FGD5: variants seen among roughly 807,000 people sequenced by gnomAD.
FGD5 encodes the protein FYVE, RhoGEF and PH domain-containing protein 5.
FGD5 carries 28 observed loss-of-function variants against 133.4 expected under a neutral mutation model. The ratio of observed to expected loss-of-function variants is 0.21; its 90% CI spans 0.16 to 0.29. The LOEUF (loss-of-function observed/expected upper bound fraction) is 0.29. FGD5 is among the 10% of genes least tolerant of loss of function. FGD5 has a pLI of 1.00. For synonymous variants in FGD5, 810 were observed against 776.5 expected (o/e 1.04, Z -0.72); for missense variants, 1,858 against 1,895.2 (o/e 0.98, Z 0.36).
chr3:14,819,859 A>G lies in FGD5; in HGVS notation c.788A>G (p.Gln263Arg). The G allele has an allele frequency of 6.2e-7, 1 of 1,613,020 alleles. No individual in the cohort carries two copies. Among genetic ancestry groups the G allele is most frequent in the East Asian group, 2.2e-5 (1 of 44,852 alleles). Residue 263 changes from glutamine to arginine, a missense_variant, in exon 1 of 20, where the codon CAG (glutamine) becomes CGG (arginine). By Grantham distance (43) the Gln-to-Arg change is conservative (BLOSUM62 1). Around this residue, in one of 3 missense-constraint regions of FGD5, gnomAD observed 1,824 missense variants for 1,848.9 expected, o/e 0.99. Coordinates refer to ENST00000285046, the MANE Select transcript of FGD5 (RefSeq NM_152536.4). This position sits in a 1 kb window ranked among gnomAD's most constrained non-coding sequence, Gnocchi z 4.1. Reference sequence around the variant, plus strand: ...GAGAAGGAGGAGCTGGCCGGGGTCCAGGAGGCAGAGACAGCCACAGACTGC... The same window carrying G: ...GAGAAGGAGGAGCTGGCCGGGGTCCGGGAGGCAGAGACAGCCACAGACTGC... Reference protein sequence around the residue: ...PPEKEELAGVQEAETATDCPE... With the variant: ...PPEKEELAGVREAETATDCPE...
Position 14,918,313 on chromosome 3 carries a change from TGA to T in FGD5, c.3490-435_3490-434del, listed in dbSNP as rs1364484562. On this transcript the variant is annotated intron_variant, in intron 12 of 19. Transcript: ENST00000285046. ...CAGAGGCAGGGATGGCCAGGAGAGC[TGA>T]GAGAGGCACTGTGCAATCTCTCTTG... Among the ~76,000 whole-genome samples, 4 of 152,338 alleles carry T rather than the reference TGA, an allele frequency of 2.6e-5. No individual in the cohort carries two copies. In the East Asian group the frequency reaches 7.7e-4, roughly 29 times the overall value.
intron 11 of FGD5, among the ~76,000 whole-genome samples, chr3:14,916,789 A>G (rs888130102): frequency 1.3e-5 from 2 of 152,154 alleles, no homozygotes; most frequent in African/African-American, 4.8e-5. Flanking sequence ...CTGGAGTGTC[A>G]CAGAAATGTC....
intron 1 of FGD5, among the ~76,000 whole-genome samples, chr3:14,832,979 A>G (rs2036745550): frequency 6.6e-6 from 1 of 152,218 alleles, no homozygotes; most frequent in African/African-American, 2.4e-5. Context: ...TGGCCCTTGG[A>G]GAATTTATTA....
chr3:14,901,143 C>G, intron 9 of FGD5, 82 bp downstream of exon 9: 3 of 1,444,374 alleles, frequency 2.1e-6, no homozygotes, highest in Non-Finnish European at 2.9e-6. Context: ...TTCTGATGCC[C>G]CACTCCTAGG....
At chr3:14,925,678 G>A (rs1347055596) in intron 17 of FGD5, among the ~76,000 whole-genome samples, 1 of 152,202 alleles carries the variant, frequency 6.6e-6, no homozygotes, top group African/African-American at 2.4e-5. Flanking sequence ...TTAGGCAACA[G>A]TACAAAGAGG....
At chr3:14,851,718 C>A (rs144774500) in intron 1 of FGD5, among the ~76,000 whole-genome samples, 1 of 151,764 alleles carries the variant, frequency 6.6e-6, no homozygotes, top group Non-Finnish European at 1.5e-5. Flanking sequence ...AGTTTAAATT[C>A]CCCCCCACCC....
intron 11 of FGD5, among the ~76,000 whole-genome samples, 167 bp downstream of exon 11, chr3:14,911,096 C>A (rs1444486647): frequency 1.3e-5 from 2 of 152,122 alleles, no homozygotes; most frequent in East Asian, 1.9e-4. Context: ...CCTTGGACAC[C>A]ACGCCCACCA....
chr3:14,845,530 G>C (rs1320541577), intron 1 of FGD5, among the ~76,000 whole-genome samples: 1 of 152,184 alleles, frequency 6.6e-6, no homozygotes, highest in East Asian at 1.9e-4. Context: ...ACGTTAAGAA[G>C]TTTCCCTGAA....
In FGD5 at chr3:14,820,727, C is replaced by G. The variant is rs570835379; in HGVS notation, c.1656C>G (p.Ser552=). ...RAFTLYPRSF[S]VEGREIPVSV... ...TTACTTTATACCCTCGGTCGTTCTC[C>G]GTGGAAGGCCGAGAGATTCCAGTGT... Residue 552 remains serine, a synonymous_variant, in exon 1 of 20, where the codon TCC becomes TCG. Coordinates refer to ENST00000285046, the MANE Select transcript of FGD5 (RefSeq NM_152536.4). 6.2e-7 allele frequency: 1 copy of G among 1,604,138 alleles called. No homozygotes were observed. Among genetic ancestry groups the G allele is most frequent in the East Asian group, 2.2e-5 (1 of 44,810 alleles).
intron 11 of FGD5, among the ~76,000 whole-genome samples, chr3:14,916,608 T>A (rs1435525913): frequency 6.6e-6 from 1 of 152,212 alleles, no homozygotes; most frequent in Non-Finnish European, 1.5e-5. Flanking sequence ...TGTTAGTTGG[T>A]ACTGACAAGT....
intron 1 of FGD5, among the ~76,000 whole-genome samples, chr3:14,839,011 G>C (rs910461781): frequency 6.6e-6 from 1 of 152,234 alleles, no homozygotes; most frequent in Non-Finnish European, 1.5e-5. Flanking sequence ...CAGTGGGTTA[G>C]AAACAACAGG....
intron 1 of FGD5, among the ~76,000 whole-genome samples, chr3:14,813,760 G>GGCTCCTGGCTCCCCATCCAGT (rs540504707): frequency 2.5e-4 from 38 of 152,170 alleles, no homozygotes; most frequent in African/African-American, 6.0e-4. Context: ...TGAAGATCAG[G>GGCTCCTGGCTCCCCATCCAGT]GCTCCTGGCT....
intron 17 of FGD5, 79 bp from the exon 18 acceptor site, chr3:14,925,991 G>A: frequency 6.4e-7 from 1 of 1,574,496 alleles, no homozygotes. Context: ...ATGGTTTGCA[G>A]TGTCATTTTG....
intron 12 of FGD5, among the ~76,000 whole-genome samples, chr3:14,918,049 G>A (rs2038595217): frequency 6.6e-6 from 1 of 152,240 alleles, no homozygotes; most frequent in Non-Finnish European, 1.5e-5. Context: ...TCTGCCGATG[G>A]ACACTGGTGG....
chr3:14,893,727 T>C (rs2038076957), intron 4 of FGD5, among the ~76,000 whole-genome samples: 1 of 150,572 alleles, frequency 6.6e-6, no homozygotes, highest in Non-Finnish European at 1.5e-5. Flanking sequence ...TTCGGTCTTA[T>C]TTCTTTTTCT....
At chr3:14,855,050 C>G (rs920432717) in intron 1 of FGD5, among the ~76,000 whole-genome samples, 1 of 152,170 alleles carries the variant, frequency 6.6e-6, no homozygotes, top group Non-Finnish European at 1.5e-5. Context: ...ATCCTCTGTT[C>G]CACTTTTTAC....
rs1439514097 is a variant in FGD5 at position 14,907,688 on chromosome 3, G to A, written c.3313G>A (p.Gly1105Arg). 6.2e-7 allele frequency: 1 copy of A among 1,613,754 alleles called. No individual in the cohort carries two copies. The highest frequency in any genetic ancestry group is 8.5e-7 in the Non-Finnish European group (1 of 1,179,736). Residue 1105 changes from glycine to arginine, a missense_variant, in exon 10 of 20, where the codon GGG becomes AGG. This residue lies in a region of FGD5 where 1,824 missense variants were observed against 1,848.9 expected (regional missense o/e 0.99). Transcript: ENST00000285046. The part of the protein sequence containing the change: ...VHIEHSVRGQ[G>R]DLLQPGREFL... Reference sequence around the variant, plus strand: ...CATTGAGCACAGCGTCCGGGGCCAAGGGGATCTCCTCCAGCCAGGAAGGGT... The same window carrying A: ...CATTGAGCACAGCGTCCGGGGCCAAAGGGATCTCCTCCAGCCAGGAAGGGT...
At chr3:14,853,792 C>T (rs2037216738) in intron 1 of FGD5, among the ~76,000 whole-genome samples, 2 of 151,882 alleles carry the variant, frequency 1.3e-5, no homozygotes, top group Admixed American at 6.6e-5. Context: ...CATCTCCCCA[C>T]GTGGAGGCAC....
intron 1 of FGD5, among the ~76,000 whole-genome samples, chr3:14,837,208 C>G (rs369932311): frequency 2.0e-5 from 3 of 152,322 alleles, no homozygotes; most frequent in East Asian, 3.9e-4. Flanking sequence ...TGGCGTGTCC[C>G]TGACTCTTTC....
Sources: allele counts gnomAD v4.1 joint callset (sites outside exome capture counted in the v4.1 genomes callset), GRCh38; gene constraint gnomAD v4.1.1; regional missense constraint gnomAD v4.1.1; non-coding constraint Gnocchi (gnomAD v3.1); transcripts MANE v1.5; gene names NCBI Gene and HGNC (gene_info 2026-07-23, HGNC 2026-07-21).